Variants in CTNNA2 observed in about 807,000 individuals in gnomAD.
CTNNA2 encodes catenin alpha 2.
In CTNNA2, 42 loss-of-function variants were observed where a neutral mutation model predicts 101.0. The observed-to-expected ratio is 0.42, with a 90% CI of 0.32 to 0.54. The LOEUF is 0.54. Ranked by LOEUF, CTNNA2 falls within the 20% of genes least tolerant of loss-of-function variation. The probability of loss-of-function intolerance (pLI) is 0.14; values close to 1 mark genes in which losing one functional copy is unlikely to be tolerated. For synonymous variants in CTNNA2, 450 were observed against 456.4 expected (o/e 0.99, Z 0.18); for missense variants, 871 against 1,223.1 (o/e 0.71, Z 4.29).
At chr2:80,338,056 T>C (rs936818831) in intron 7 of CTNNA2, among the ~76,000 whole-genome samples, 1 of 152,048 alleles carries the variant, frequency 6.6e-6, no homozygotes, top group African/African-American at 2.4e-5. Flanking sequence ...TAGCACAGTT[T>C]CAGCTCACTG....
chr2:79,336,906 A>G (rs191697624), intron 3 of CTNNA2, among the ~76,000 whole-genome samples: 49 of 152,280 alleles, frequency 3.2e-4, no homozygotes, highest in African/African-American at 1.2e-3. Flanking sequence ...AGTGATATCC[A>G]TGGTGTCCAT....
In CTNNA2 at chr2:80,254,149, A is replaced by G. The variant is rs537082524; in HGVS notation, c.1057-139062A>G. On this transcript the variant is annotated intron_variant, in intron 7 of 18. Coordinates refer to ENST00000402739, the MANE Select transcript of CTNNA2 (RefSeq NM_001282597.3). ...GCATATTTGTTCTTCAACTCTATCT[A>G]TATCTCTATTAGATTACATTACAAT... is the stretch of plus-strand genomic sequence containing the variant. Among the ~76,000 whole-genome samples, 5 of 152,294 alleles carry G rather than the reference A, an allele frequency of 3.3e-5. 1 individual carries two copies. The East Asian group carries it at 5.8e-4, about 18-fold the overall frequency.
chr2:80,589,228 C>A, intron 14 of CTNNA2, 76 bp from the exon 15 acceptor site: 3 of 1,435,612 alleles, frequency 2.1e-6, no homozygotes, highest in South Asian at 1.3e-5. Context: ...CTCTGCCATC[C>A]GCAGAAGGCA....
At chr2:79,275,136 G>T (rs1426245102) in intron 2 of CTNNA2, among the ~76,000 whole-genome samples, 3 of 152,052 alleles carry the variant, frequency 2.0e-5, no homozygotes, top group African/African-American at 7.2e-5. Context: ...ATCCAGAGAT[G>T]AGTTCACTGA....
intron 18 of CTNNA2, among the ~76,000 whole-genome samples, chr2:80,631,095 A>C (rs1179857802): frequency 3.3e-5 from 5 of 152,210 alleles, no homozygotes. Flanking sequence ...CTTGTAATAA[A>C]TATGGAGGTG....
At chr2:80,276,654 A>AAGGAGG in intron 7 of CTNNA2, among the ~76,000 whole-genome samples, 1 of 151,558 alleles carries the variant, frequency 6.6e-6, no homozygotes, top group Non-Finnish European at 1.5e-5. Context: ...AGAGGAGGAG[A>AAGGAGG]AGGAGGAGGA....
chr2:80,390,049 A>G (rs753596640), intron 7 of CTNNA2, among the ~76,000 whole-genome samples: 1 of 152,166 alleles, frequency 6.6e-6, no homozygotes, highest in Non-Finnish European at 1.5e-5. Context: ...AGTCAAACTG[A>G]TCTCTTCACA....
rs556645664 is a variant in CTNNA2 at position 79,822,688 on chromosome 2, A to G, written c.299-35325A>G. Among the ~76,000 whole-genome samples the G allele has an allele frequency of 1.7e-3, 257 of 152,164 alleles. 1 individual carries two copies. The highest frequency in any genetic ancestry group is 0.014 in the Middle Eastern group (4 of 294). On this transcript the variant is annotated intron_variant, in intron 3 of 18. Coordinates refer to ENST00000402739, the MANE Select transcript of CTNNA2 (RefSeq NM_001282597.3). Reference sequence around the variant, plus strand: ...TTGACCATTACAGTGGTCTCTTCATATGGCTATTCTCATCCTCCCTGGCCG... The same window carrying G: ...TTGACCATTACAGTGGTCTCTTCATGTGGCTATTCTCATCCTCCCTGGCCG...
intron 1 of CTNNA2, among the ~76,000 whole-genome samples, chr2:79,609,014 A>G (rs1438375251): frequency 2.6e-5 from 4 of 152,126 alleles, no homozygotes; most frequent in East Asian, 1.9e-4. Context: ...ATCTACTAGA[A>G]TAATAAGTGA....
intron 4 of CTNNA2, among the ~76,000 whole-genome samples, chr2:79,404,868 G>A (rs1678325372): frequency 2.0e-5 from 3 of 151,952 alleles, no homozygotes; most frequent in Admixed American, 2.0e-4. Flanking sequence ...CCTTGAATGT[G>A]GATATGATTT....
At chr2:79,774,566 G>A (rs1433947077) in intron 3 of CTNNA2, among the ~76,000 whole-genome samples, 2 of 152,158 alleles carry the variant, frequency 1.3e-5, no homozygotes, top group Non-Finnish European at 2.9e-5. Flanking sequence ...CTGGGTAATT[G>A]CATGTACATA....
intron 9 of CTNNA2, among the ~76,000 whole-genome samples, chr2:80,458,822 G>T (rs1406355346): frequency 6.6e-6 from 1 of 152,056 alleles, no homozygotes; most frequent in Non-Finnish European, 1.5e-5. Flanking sequence ...TAAATGATCA[G>T]CCCCCTCTCT....
intron 7 of CTNNA2, among the ~76,000 whole-genome samples, chr2:79,964,463 T>C (rs1012039921): frequency 4.6e-5 from 7 of 152,206 alleles, no homozygotes; most frequent in African/African-American, 1.4e-4. Flanking sequence ...TTTCCCCTTT[T>C]AGCAACTCAT....
rs17019033 is a variant in CTNNA2, at chr2:80,348,087, G to A, written c.1057-45124G>A. On this transcript the variant is annotated intron_variant, in intron 7 of 18. Coordinates refer to ENST00000402739, the MANE Select transcript of CTNNA2 (RefSeq NM_001282597.3). ...AGAGCAGAACCAGAATGCATCTCAG[G>A]CACATGTGAATGGTGAAGAGTTGAC... Among the ~76,000 whole-genome samples the A allele has an allele frequency of 4.3e-3, 657 of 152,146 alleles. 5 individuals carry two copies. Among genetic ancestry groups the A allele is most frequent in the African/African-American group, 0.015 (635 of 41,508 alleles).
intron 3 of CTNNA2, among the ~76,000 whole-genome samples, chr2:79,747,784 A>G (rs1411373607): frequency 6.6e-6 from 1 of 152,186 alleles, no homozygotes; most frequent in East Asian, 1.9e-4. Flanking sequence ...TCTAGGGGAT[A>G]TTTCAAGTTT....
chr2:79,472,688 A>C (rs1187894193), intron 4 of CTNNA2, among the ~76,000 whole-genome samples: 9 of 152,216 alleles, frequency 5.9e-5, no homozygotes, highest in Non-Finnish European at 1.2e-4. Flanking sequence ...AATTGGCTGC[A>C]CCCTTACTGT....
At chr2:79,846,169 C>G (rs968885588) in intron 3 of CTNNA2, among the ~76,000 whole-genome samples, 1 of 152,184 alleles carries the variant, frequency 6.6e-6, no homozygotes, top group African/African-American at 2.4e-5. Flanking sequence ...ATACCAATTA[C>G]TTGGAACATT....
chr2:79,301,780 G>A (rs916023852), intron 2 of CTNNA2, among the ~76,000 whole-genome samples: 1 of 151,960 alleles, frequency 6.6e-6, no homozygotes, highest in Non-Finnish European at 1.5e-5. Context: ...GTGAGATCTG[G>A]ACTTTCTCAT....
At chr2:80,015,461 T>C (rs983905353) in intron 7 of CTNNA2, among the ~76,000 whole-genome samples, 1 of 152,122 alleles carries the variant, frequency 6.6e-6, no homozygotes, top group Non-Finnish European at 1.5e-5. Context: ...CCTGAAGCGC[T>C]CTCTGATGGG....
Sources: allele counts gnomAD v4.1 joint callset (sites outside exome capture counted in the v4.1 genomes callset), GRCh38; gene constraint gnomAD v4.1.1; transcripts MANE v1.5; gene names NCBI Gene and HGNC (gene_info 2026-07-23, HGNC 2026-07-21).